Variants in GABRA2 observed in about 807,000 individuals in gnomAD.
GABRA2 encodes gamma-aminobutyric acid receptor subunit alpha-2.
GABRA2 carries 16 observed loss-of-function variants against 48.7 expected under a neutral mutation model. That is an observed-to-expected ratio of 0.33 (90% CI 0.22 to 0.50). GABRA2 has a LOEUF of 0.50. GABRA2 is among the 20% of genes least tolerant of loss of function. The pLI is 0.98. For missense variants in GABRA2, 275 were observed against 535.6 expected (o/e 0.51, Z 4.80); for synonymous variants, 185 against 184.5 (o/e 1.00, Z -0.02).
intron 3 of GABRA2, among the ~76,000 whole-genome samples, chr4:46,380,979 A>G (rs1341053339): frequency 6.6e-6 from 1 of 152,218 alleles, no homozygotes; most frequent in Non-Finnish European, 1.5e-5. Flanking sequence ...TTTTAAGCAT[A>G]AAGCATCTTC....
At chr4:46,350,065 C>G (rs1289585068) in intron 3 of GABRA2, among the ~76,000 whole-genome samples, 2 of 151,818 alleles carry the variant, frequency 1.3e-5, no homozygotes, top group Non-Finnish European at 2.9e-5. Context: ...AATTTATCTT[C>G]ATGATCCCCC....
chr4:46,317,642 A>G (rs2109729163), intron 4 of GABRA2, among the ~76,000 whole-genome samples: 1 of 151,792 alleles, frequency 6.6e-6, no homozygotes, highest in South Asian at 2.1e-4. Flanking sequence ...GATTCAGAAG[A>G]TTACTGATAA....
chr4:46,284,589 G>T (rs569933866), intron 8 of GABRA2, among the ~76,000 whole-genome samples: 4 of 152,238 alleles, frequency 2.6e-5, no homozygotes, highest in African/African-American at 9.6e-5. Context: ...TGAGATAAAT[G>T]AAATATACCA....
intron 8 of GABRA2, among the ~76,000 whole-genome samples, chr4:46,292,045 C>T (rs1040261050): frequency 1.3e-5 from 2 of 151,964 alleles, no homozygotes; most frequent in South Asian, 2.1e-4. Context: ...TAGAGAGTTA[C>T]GCCAAATGAG....
intron 4 of GABRA2, among the ~76,000 whole-genome samples, chr4:46,325,164 A>G (rs2109772559): frequency 6.6e-6 from 1 of 152,128 alleles, no homozygotes; most frequent in East Asian, 1.9e-4. Flanking sequence ...TGAAATCTCC[A>G]AATTGCTTTC....
chr4:46,351,771 T>A (rs1735161459), intron 3 of GABRA2, among the ~76,000 whole-genome samples: 2 of 152,120 alleles, frequency 1.3e-5, no homozygotes, highest in South Asian at 4.1e-4. Flanking sequence ...TAGAAAATAT[T>A]TTAATGTAAA....
intron 4 of GABRA2, among the ~76,000 whole-genome samples, chr4:46,328,751 G>C (rs1730833305): frequency 6.6e-6 from 1 of 151,974 alleles, no homozygotes. Flanking sequence ...CTAGCATTAG[G>C]TATATCATTC....
At chr4:46,341,098 CTT>C (rs1250013390) in intron 3 of GABRA2, among the ~76,000 whole-genome samples, 1 of 151,840 alleles carries the variant, frequency 6.6e-6, no homozygotes, top group East Asian at 1.9e-4. Flanking sequence ...ATGTCCATCT[CTT>C]TGTCATTATT....
chr4:46,345,127 C>T (rs1733927524), intron 3 of GABRA2, among the ~76,000 whole-genome samples: 1 of 151,818 alleles, frequency 6.6e-6, no homozygotes, highest in Non-Finnish European at 1.5e-5. Context: ...GCTCTTCCCC[C>T]TTCACTTGTT....
intron 3 of GABRA2, among the ~76,000 whole-genome samples, chr4:46,359,722 C>T (rs933525122): frequency 6.6e-5 from 10 of 151,944 alleles, no homozygotes; most frequent in Admixed American, 1.3e-4. Context: ...TTGAGACCAT[C>T]CTGGCTAACA....
chr4:46,319,059 CCATTT>C (rs1209374612), intron 4 of GABRA2, among the ~76,000 whole-genome samples: 1 of 151,718 alleles, frequency 6.6e-6, no homozygotes, highest in Non-Finnish European at 1.5e-5. Flanking sequence ...CTAAAAATCT[CCATTT>C]ACAGTAAACT....
In GABRA2 at chr4:46,389,768, C is replaced by T. The variant is rs1717973223; in HGVS notation, c.-44G>A. On this transcript the variant is annotated 5_prime_UTR_variant, in exon 1 of 10. Coordinates refer to ENST00000381620, the MANE Select transcript of GABRA2 (RefSeq NM_000807.4). Reference sequence around the variant, plus strand: ...GCAAGCAGAATTCGGTGTTTTCTTCCTTTTGCCCTGATCTTGACGAGATAG... The same window carrying T: ...GCAAGCAGAATTCGGTGTTTTCTTCTTTTTGCCCTGATCTTGACGAGATAG... The T allele has an allele frequency of 1.0e-6, 1 of 965,832 alleles. No homozygotes were observed. The highest frequency in any genetic ancestry group is 1.2e-6 in the Non-Finnish European group (1 of 826,614). The allele number at this position is 965,832 out of a possible 1,614,324, so 59.8% of individuals were successfully genotyped here.
chr4:46,324,692 T>C (rs987642300), intron 4 of GABRA2, among the ~76,000 whole-genome samples: 1 of 151,810 alleles, frequency 6.6e-6, no homozygotes, highest in Non-Finnish European at 1.5e-5. Context: ...GAACACAGTA[T>C]CCATAGGTAG....
At chr4:46,251,591 T>C (rs1714769149) in intron 9 of GABRA2, among the ~76,000 whole-genome samples, 2 of 151,550 alleles carry the variant, frequency 1.3e-5, no homozygotes, top group East Asian at 2.0e-4. Flanking sequence ...CAATTCTTTC[T>C]CTTATTTTGG....
At chr4:46,277,331 G>T (rs1238136922) in intron 8 of GABRA2, among the ~76,000 whole-genome samples, 1 of 152,130 alleles carries the variant, frequency 6.6e-6, no homozygotes, top group African/African-American at 2.4e-5. Flanking sequence ...GCTTGCATCT[G>T]ATTATCAAGT....
intron 4 of GABRA2, among the ~76,000 whole-genome samples, chr4:46,319,718 G>C (rs2109742362): frequency 6.6e-6 from 1 of 151,788 alleles, no homozygotes; most frequent in East Asian, 1.9e-4. Context: ...TAAGATGTTT[G>C]GGCATTCTTT....
chr4:46,286,491 T>C (rs1722567043), intron 8 of GABRA2, among the ~76,000 whole-genome samples: 1 of 152,102 alleles, frequency 6.6e-6, no homozygotes, highest in Admixed American at 6.5e-5. Context: ...GGTCTTACGG[T>C]AATTCTCTGT....
At chr4:46,278,165 A>C (rs1041786327) in intron 8 of GABRA2, among the ~76,000 whole-genome samples, 1 of 152,116 alleles carries the variant, frequency 6.6e-6, no homozygotes, top group African/African-American at 2.4e-5. Context: ...ACTTATACAC[A>C]CTCACACAAT....
chr4:46,292,243 G>A (rs577721953), intron 8 of GABRA2, among the ~76,000 whole-genome samples: 156 of 152,306 alleles, frequency 1.0e-3, no homozygotes, highest in African/African-American at 3.6e-3. Context: ...GGCTTCACAA[G>A]CAGATACTGA....
Sources: allele counts gnomAD v4.1 joint callset (sites outside exome capture counted in the v4.1 genomes callset), GRCh38; gene constraint gnomAD v4.1.1; transcripts MANE v1.5; gene names NCBI Gene and HGNC (gene_info 2026-07-23, HGNC 2026-07-21).